Variants in RFTN2 observed in about 807,000 individuals in gnomAD.
RFTN2 encodes the protein raftlin-2.
Under a neutral mutation model 52.7 loss-of-function variants are expected in RFTN2, and 34 were observed. That is an observed-to-expected ratio of 0.64 (90% CI 0.49 to 0.86). The LOEUF (loss-of-function observed/expected upper bound fraction) is 0.86, where lower values mean the gene tolerates loss of function less well. RFTN2 is among the 40% of genes least tolerant of loss of function. The pLI is 0.00. For missense variants in RFTN2, 536 were observed against 600.1 expected (o/e 0.89, Z 1.12); for synonymous variants, 203 against 217.7 (o/e 0.93, Z 0.59).
chr2:197,592,259 G>A (rs918616020), intron 8 of RFTN2, among the ~76,000 whole-genome samples: 3 of 152,186 alleles, frequency 2.0e-5, no homozygotes, highest in Non-Finnish European at 4.4e-5. Context: ...GCAATGGCAT[G>A]ATCTCAGCTG....
Position 197,631,146 on chromosome 2 carries a change from T to A in RFTN2, c.793A>T (p.Ile265Phe), listed in dbSNP as rs1220218450. Residue 265 changes from isoleucine to phenylalanine, a missense_variant, in exon 5 of 9, where the codon ATC (isoleucine) becomes TTC (phenylalanine). By Grantham distance (21) the Ile-to-Phe change is conservative. Coordinates refer to ENST00000295049, the MANE Select transcript of RFTN2 (RefSeq NM_144629.3). ...DSTSWAYQEGILSMKVTRKGS... is the reference protein window; with the variant it reads ...DSTSWAYQEGFLSMKVTRKGS... ...TTTCTTGTTACTTTCATTGACAGGA[T>A]GCCTTCCTGATAGGCCCAGGAGGTT... is the stretch of plus-strand genomic sequence containing the variant. 2 of 1,613,596 alleles carry A rather than the reference T, an allele frequency of 1.2e-6. No individual in the cohort carries two copies. The highest frequency in any genetic ancestry group is 3.3e-5 in the Admixed American group (2 of 59,992).
chr2:197,599,359 T>C (rs1444953778), intron 7 of RFTN2, among the ~76,000 whole-genome samples: 1 of 152,210 alleles, frequency 6.6e-6, no homozygotes, highest in East Asian at 1.9e-4. Context: ...TACCAATTTA[T>C]TCCTGACCTG....
At chr2:197,652,382 C>T (rs1327383967) in intron 1 of RFTN2, among the ~76,000 whole-genome samples, 1 of 152,172 alleles carries the variant, frequency 6.6e-6, no homozygotes, top group Non-Finnish European at 1.5e-5. Flanking sequence ...ATTACCAATA[C>T]TCTTGACCGC....
At chr2:197,629,702 ATTTATTTTAT>A (rs57395567) in intron 5 of RFTN2, among the ~76,000 whole-genome samples, 73 of 142,006 alleles carry the variant, frequency 5.1e-4, no homozygotes, top group African/African-American at 1.6e-3. Context: ...ACACACACAT[ATTTATTTTAT>A]TTTATTTTAT....
At chr2:197,635,011 T>A (rs2088541250) in intron 3 of RFTN2, among the ~76,000 whole-genome samples, 1 of 151,630 alleles carries the variant, frequency 6.6e-6, no homozygotes, top group Non-Finnish European at 1.5e-5. Context: ...CTTGCGATAG[T>A]TTACTAAGAA....
chr2:197,640,071 C>T (rs1574733389), intron 3 of RFTN2, among the ~76,000 whole-genome samples: 1 of 152,196 alleles, frequency 6.6e-6, no homozygotes, highest in Admixed American at 6.5e-5. Context: ...GGTCAGGGAC[C>T]CACTTGAGGA....
At chr2:197,577,597 C>T (rs749751801) in intron 8 of RFTN2, among the ~76,000 whole-genome samples, 6 of 152,236 alleles carry the variant, frequency 3.9e-5, no homozygotes, top group Admixed American at 2.0e-4. Context: ...GCTTCAGATA[C>T]GGCTGATGAA....
At chr2:197,652,823 T>C (rs1040797346) in intron 1 of RFTN2, among the ~76,000 whole-genome samples, 7 of 152,108 alleles carry the variant, frequency 4.6e-5, no homozygotes, top group African/African-American at 7.2e-5. Flanking sequence ...AAGTCTAAGT[T>C]CAAAACACAG....
rs76168869 is a variant in RFTN2 at position 197,593,122 on chromosome 2, T to C, written c.1233+2869A>G. On this transcript the variant is annotated intron_variant, in intron 8 of 8. Transcript: ENST00000295049. ...AAATATATTATTATTAGATTTGTCA[T>C]TGATACAAACCAACTATATATACTT... 8.8e-3 allele frequency among the ~76,000 whole-genome samples: 1,342 copies of C among 152,304 alleles called. 30 individuals carry two copies. Among genetic ancestry groups the C allele is most frequent in the African/African-American group, 0.03 (1,237 of 41,572 alleles).
chr2:197,673,170 T>C (rs184914823), intron 1 of RFTN2, among the ~76,000 whole-genome samples: 140 of 152,208 alleles, frequency 9.2e-4, no homozygotes, highest in Non-Finnish European at 9.6e-4. Flanking sequence ...TCCTGAAAGG[T>C]TGCTCATTCC....
chr2:197,619,227 C>A (rs1324488581), intron 5 of RFTN2, among the ~76,000 whole-genome samples: 1 of 152,084 alleles, frequency 6.6e-6, no homozygotes, highest in African/African-American at 2.4e-5. Flanking sequence ...CGGCCACCAC[C>A]CCGTCTGGGA....
chr2:197,657,143 C>T (rs1187285032), intron 1 of RFTN2, among the ~76,000 whole-genome samples: 1 of 152,196 alleles, frequency 6.6e-6, no homozygotes, highest in Non-Finnish European at 1.5e-5. Flanking sequence ...GGGTTACAGG[C>T]ATGAGCTACT....
intron 8 of RFTN2, among the ~76,000 whole-genome samples, chr2:197,589,672 T>A (rs950842217): frequency 1.3e-5 from 2 of 152,216 alleles, no homozygotes; most frequent in Non-Finnish European, 2.9e-5. Flanking sequence ...TGGTGAGGTG[T>A]TCCAGTCTTT....
chr2:197,639,279 G>A (rs1441493962), intron 3 of RFTN2, among the ~76,000 whole-genome samples: 4 of 138,666 alleles, frequency 2.9e-5, no homozygotes, highest in South Asian at 2.5e-4. Flanking sequence ...GAATCTGAAC[G>A]TTGGCCTGCC....
At chr2:197,604,598 T>C (rs2087929566) in intron 7 of RFTN2, among the ~76,000 whole-genome samples, 1 of 152,168 alleles carries the variant, frequency 6.6e-6, no homozygotes. Context: ...GGGGATAATG[T>C]TATCTCTGTG....
rs539303497 is a variant in RFTN2, at chr2:197,601,411, A to G, written c.1155-5342T>C. 9.1e-4 allele frequency among the ~76,000 whole-genome samples: 138 copies of G among 152,318 alleles called. 1 individual carries two copies. The highest frequency in any genetic ancestry group is 3.2e-3 in the African/African-American group (131 of 41,574). On this transcript the variant is annotated intron_variant, in intron 7 of 8. Coordinates refer to ENST00000295049, the MANE Select transcript of RFTN2 (RefSeq NM_144629.3). ...AGCGTTCCAAGTCCTTTCTGTGTAC[A>G]TTAACATGCTTGTTTCTTATGATAA...
At chr2:197,625,950 G>A (rs985242428) in intron 5 of RFTN2, among the ~76,000 whole-genome samples, 11 of 151,696 alleles carry the variant, frequency 7.3e-5, no homozygotes, top group Admixed American at 1.3e-4. Context: ...CACCATGCCC[G>A]GCTAATTTTT....
intron 1 of RFTN2, among the ~76,000 whole-genome samples, chr2:197,653,170 G>A (rs754732639): frequency 3.9e-5 from 6 of 152,174 alleles, no homozygotes; most frequent in Non-Finnish European, 7.3e-5. Context: ...GTTCAGTGCC[G>A]TATCTCTATA....
chr2:197,624,426 AT>A (rs1213267459), intron 5 of RFTN2, among the ~76,000 whole-genome samples: 2 of 150,310 alleles, frequency 1.3e-5, no homozygotes, highest in African/African-American at 4.9e-5. Flanking sequence ...GGTGAAACCC[AT>A]CTCTACTAAA....
Sources: gnomAD v4.1 joint callset for allele counts (sites outside exome capture counted in the v4.1 genomes callset) on GRCh38, gnomAD v4.1.1 for gene constraint, MANE v1.5 for transcripts, NCBI Gene and HGNC (gene_info 2026-07-23, HGNC 2026-07-21) for gene names.